CADM2: variants seen among roughly 807,000 people sequenced by gnomAD.
The protein encoded by CADM2 is cell adhesion molecule 2.
In CADM2, 12 loss-of-function variants were observed where a neutral mutation model predicts 49.8. That is an observed-to-expected ratio of 0.24 (90% CI 0.15 to 0.39). The LOEUF is 0.39. Among genes scored for constraint, CADM2 ranks in the 10% least tolerant of loss-of-function variants. The pLI, the probability that CADM2 is intolerant of heterozygous loss-of-function variation, is 1.00. For synonymous variants in CADM2, 214 were observed against 175.4 expected (o/e 1.22, Z -1.74); for missense variants, 378 against 492.3 (o/e 0.77, Z 2.20).
intron 1 of CADM2, among the ~76,000 whole-genome samples, chr3:85,655,049 G>A (rs982253203): frequency 8.5e-5 from 13 of 152,118 alleles, no homozygotes; most frequent in Non-Finnish European, 1.8e-4. Flanking sequence ...ACAAAAAATT[G>A]TAAGGATTCT....
At chr3:85,356,154 C>T (rs949474360) in intron 1 of CADM2, among the ~76,000 whole-genome samples, 8 of 151,984 alleles carry the variant, frequency 5.3e-5, no homozygotes, top group African/African-American at 1.9e-4. Context: ...GGTAGCTATA[C>T]TATCAGATAA....
intron 1 of CADM2, among the ~76,000 whole-genome samples, chr3:85,623,350 C>A (rs557370196): frequency 6.6e-6 from 1 of 151,942 alleles, no homozygotes; most frequent in Non-Finnish European, 1.5e-5. Flanking sequence ...TTTGATTATA[C>A]GTTATATGAA....
intron 8 of CADM2, among the ~76,000 whole-genome samples, chr3:86,063,386 A>T (rs2107414792): frequency 6.6e-6 from 1 of 152,322 alleles, no homozygotes; most frequent in East Asian, 1.9e-4. Context: ...GCAATTATAA[A>T]AACATGCCAG....
chr3:85,919,794 A>G (rs1442169679), intron 6 of CADM2, among the ~76,000 whole-genome samples: 1 of 151,930 alleles, frequency 6.6e-6, no homozygotes, highest in African/African-American at 2.4e-5. Flanking sequence ...TTCTGGACCA[A>G]CTAATATGCT....
At chr3:85,852,751 T>A (rs2108296282) in intron 3 of CADM2, among the ~76,000 whole-genome samples, 1 of 152,202 alleles carries the variant, frequency 6.6e-6, no homozygotes, top group South Asian at 2.1e-4. Context: ...TTAATTATCA[T>A]CATACTTTGC....
intron 1 of CADM2, among the ~76,000 whole-genome samples, chr3:85,503,381 C>A (rs2040196065): frequency 1.3e-5 from 2 of 152,032 alleles, no homozygotes. Flanking sequence ...AAATAAGTCT[C>A]CTGGGTTTCA....
intron 2 of CADM2, among the ~76,000 whole-genome samples, chr3:85,755,643 G>A (rs1008252332): frequency 6.6e-6 from 1 of 152,126 alleles, no homozygotes; most frequent in Non-Finnish European, 1.5e-5. Flanking sequence ...CAATCATGGT[G>A]GAAGGTGAAG....
At position 85,224,047 on chromosome 3, in the gene CADM2, A is replaced by T. The variant is rs531457435; in HGVS notation, c.61+264379A>T. 3.9e-5 allele frequency among the ~76,000 whole-genome samples: 6 copies of T among 152,302 alleles called. No individual in the cohort carries two copies. In the South Asian group the frequency reaches 1.2e-3, roughly 32 times the overall value. ...GCTCCAAGTCTTTGCTATTGTGAAG[A>T]GTGCTGCAATACATATACATGTGCA... On this transcript the variant is annotated intron_variant, in intron 1 of 9. Coordinates refer to ENST00000383699, the MANE Select transcript of CADM2 (RefSeq NM_001167675.2).
chr3:85,977,974 G>A (rs1042771462), intron 8 of CADM2, among the ~76,000 whole-genome samples: 1 of 151,556 alleles, frequency 6.6e-6, no homozygotes, highest in African/African-American at 2.4e-5. Flanking sequence ...AAAATGTTTG[G>A]TGTGACTCAA....
intron 1 of CADM2, among the ~76,000 whole-genome samples, chr3:85,487,385 A>C (rs2039462805): frequency 6.6e-6 from 1 of 152,136 alleles, no homozygotes; most frequent in Admixed American, 6.5e-5. Context: ...AATAAACCGG[A>C]CATGGTGGTG....
In CADM2 at chr3:85,833,411, A is replaced by T. The variant is rs911221959; in HGVS notation, c.238+31215A>T. 2.0e-5 allele frequency among the ~76,000 whole-genome samples: 3 copies of T among 151,570 alleles called. No homozygotes were observed. In the Admixed American group the frequency reaches 2.0e-4, roughly 10 times the overall value. ...TCAATTAGTTTCAGTAGGATTGGTA[A>T]CAGTTCTTCATACATCTGGTAGAAT... is the stretch of plus-strand genomic sequence containing the variant. On this transcript the variant is annotated intron_variant, in intron 3 of 9. Coordinates refer to ENST00000383699, the MANE Select transcript of CADM2 (RefSeq NM_001167675.2).
chr3:85,489,116 A>G (rs1034285144), intron 1 of CADM2, among the ~76,000 whole-genome samples: 1 of 152,170 alleles, frequency 6.6e-6, no homozygotes, highest in African/African-American at 2.4e-5. Flanking sequence ...ATTTCAGAGT[A>G]ATTGAAATTA....
chr3:85,554,567 T>G (rs1030974682), intron 1 of CADM2, among the ~76,000 whole-genome samples: 20 of 152,328 alleles, frequency 1.3e-4, no homozygotes, highest in African/African-American at 4.8e-4. Context: ...ATGTACAGGA[T>G]GATAAATTAT....
intron 3 of CADM2, among the ~76,000 whole-genome samples, chr3:85,867,079 T>A (rs987636973): frequency 1.3e-5 from 2 of 152,126 alleles, no homozygotes; most frequent in Non-Finnish European, 2.9e-5. Context: ...CTTATTATTA[T>A]TTTTAGGCAA....
intron 2 of CADM2, among the ~76,000 whole-genome samples, chr3:85,789,014 A>G (rs921118661): frequency 3.3e-5 from 5 of 152,148 alleles, no homozygotes; most frequent in African/African-American, 1.2e-4. Flanking sequence ...TGAAATAAAT[A>G]TATACACACA....
At chr3:85,826,854 C>T (rs903713112) in intron 3 of CADM2, among the ~76,000 whole-genome samples, 3 of 151,852 alleles carry the variant, frequency 2.0e-5, no homozygotes, top group African/African-American at 7.2e-5. Flanking sequence ...CAGAATCGGG[C>T]CTCTACTTGA....
chr3:84,984,800 T>C (rs974524800), intron 1 of CADM2, among the ~76,000 whole-genome samples: 1 of 152,158 alleles, frequency 6.6e-6, no homozygotes. Flanking sequence ...ATTTGTAGCA[T>C]TTTCAAAAGC....
chr3:85,888,677 C>T (rs1714012548), intron 5 of CADM2, among the ~76,000 whole-genome samples: 1 of 152,086 alleles, frequency 6.6e-6, no homozygotes, highest in South Asian at 2.1e-4. Context: ...TCTCCCTAAC[C>T]AGATGGTGAA....
At chr3:85,855,043 CT>C (rs2075255014) in intron 3 of CADM2, among the ~76,000 whole-genome samples, 1 of 152,100 alleles carries the variant, frequency 6.6e-6, no homozygotes, top group South Asian at 2.1e-4. Context: ...GGTCTCTTGC[CT>C]TCCATGACAC....
Sources: gnomAD v4.1 joint callset for allele counts (sites outside exome capture counted in the v4.1 genomes callset) on GRCh38, gnomAD v4.1.1 for gene constraint, MANE v1.5 for transcripts, NCBI Gene and HGNC (gene_info 2026-07-23, HGNC 2026-07-21) for gene names.